RTCB: variants seen among roughly 807,000 people sequenced by gnomAD.
RTCB encodes RNA-splicing ligase RTCB.
Under a neutral mutation model 58.2 loss-of-function variants are expected in RTCB, and 32 were observed. The observed-to-expected ratio is 0.55, with a 90% CI of 0.41 to 0.74. The LOEUF is 0.74. RTCB is among the 30% of genes least tolerant of loss of function. The probability of loss-of-function intolerance (pLI) is 0.00; values close to 1 mark genes in which losing one functional copy is unlikely to be tolerated. For synonymous variants in RTCB, 247 were observed against 218.6 expected (o/e 1.13, Z -1.15); for missense variants, 523 against 639.0 (o/e 0.82, Z 1.96).
intron 1 of RTCB, among the ~76,000 whole-genome samples, chr22:32,411,054 ACAAAG>A (rs1219174262): frequency 6.6e-6 from 1 of 152,096 alleles, no homozygotes; most frequent in African/African-American, 2.4e-5. Flanking sequence ...CGGTTTCCAC[ACAAAG>A]AAAGTGGCCA....
chr22:32,394,641 T>C (rs1933213215), intron 9 of RTCB, among the ~76,000 whole-genome samples: 1 of 152,164 alleles, frequency 6.6e-6, no homozygotes, highest in African/African-American at 2.4e-5. Context: ...GTTTCTCATC[T>C]GTAAAAGGAG....
chr22:32,409,806 A>G (rs1374306423), intron 1 of RTCB, among the ~76,000 whole-genome samples: 1 of 140,800 alleles, frequency 7.1e-6, no homozygotes, highest in Non-Finnish European at 1.5e-5. Flanking sequence ...TACACAATAC[A>G]GCTCTTATAT....
intron 8 of RTCB, among the ~76,000 whole-genome samples, chr22:32,395,819 C>T (rs146576521): frequency 0.035 from 5,256 of 152,022 alleles, 294 homozygotes; most frequent in African/African-American, 0.12. Context: ...CTCAGCCTCC[C>T]GAGTAGCTGG....
chr22:32,398,895 C>T (rs73881685), intron 6 of RTCB, among the ~76,000 whole-genome samples: 5,266 of 152,162 alleles, frequency 0.035, 290 homozygotes, highest in African/African-American at 0.12. Context: ...TAGAGGTTGC[C>T]TAGTTTTAAC....
intron 1 of RTCB, among the ~76,000 whole-genome samples, chr22:32,409,381 G>GTAGT (rs145588381): frequency 0.011 from 1,730 of 152,260 alleles, 19 homozygotes; most frequent in African/African-American, 0.034. Context: ...ATGCAGCTAC[G>GTAGT]TAGTTGTGTG....
chr22:32,411,964 G>T, intron 1 of RTCB, 100 bp downstream of exon 1: 2 of 833,810 alleles, frequency 2.4e-6, no homozygotes, highest in Non-Finnish European at 1.9e-6. Flanking sequence ...AAGGGGCCGG[G>T]GCGGACCCAG....
At position 32,396,146 on chromosome 22, in the gene RTCB, A is replaced by G; in HGVS notation, c.918T>C (p.Tyr306=). Residue 306 remains tyrosine, a synonymous_variant, in exon 8 of 12, where the codon TAT becomes TAC. Coordinates refer to ENST00000216038, the MANE Select transcript of RTCB (RefSeq NM_014306.5). Reference sequence around the variant, plus strand: ...TCCCAGCAGCTGCCATTCCCTTCAGATAGTCTTGACCCTCTGGGGAAGCGA... The same window carrying G: ...TCCCAGCAGCTGCCATTCCCTTCAGGTAGTCTTGACCCTCTGGGGAAGCGA... The part of the protein sequence containing the change: ...ARIASPEGQD[Y]LKGMAAAGNY... 7 of 1,614,128 alleles carry G rather than the reference A, an allele frequency of 4.3e-6. No homozygotes were observed. Among genetic ancestry groups the G allele is most frequent in the Non-Finnish European group, 5.9e-6 (7 of 1,180,018 alleles).
intron 4 of RTCB, among the ~76,000 whole-genome samples, chr22:32,406,334 T>C (rs932441122): frequency 1.3e-5 from 2 of 151,166 alleles, no homozygotes; most frequent in African/African-American, 2.5e-5. Context: ...CTACACACAT[T>C]TTTTTTTGAG....
At chr22:32,394,225 C>A (rs1439680424) in intron 9 of RTCB, among the ~76,000 whole-genome samples, 1 of 151,662 alleles carries the variant, frequency 6.6e-6, no homozygotes, top group Non-Finnish European at 1.5e-5. Context: ...CATTCTCTTG[C>A]CTCAGCCTCC....
intron 4 of RTCB, among the ~76,000 whole-genome samples, chr22:32,404,492 A>C (rs1933388937): frequency 1.3e-5 from 2 of 152,112 alleles, no homozygotes; most frequent in Admixed American, 6.5e-5. Context: ...CTGTAGCCTC[A>C]ACTTCCTGGG....
intron 10 of RTCB, among the ~76,000 whole-genome samples, chr22:32,393,533 G>T (rs5754063): frequency 0.42 from 63,217 of 151,980 alleles, 13,730 homozygotes; most frequent in African/African-American, 0.57. Flanking sequence ...ATTAAACAAA[G>T]GAGCAGGTCC....
intron 11 of RTCB, among the ~76,000 whole-genome samples, chr22:32,390,453 CT>C (rs1303865991): frequency 0.037 from 5,387 of 144,992 alleles, 253 homozygotes; most frequent in African/African-American, 0.12. Context: ...TTTCCAAATC[CT>C]TTTTTTTTTT....
chr22:32,401,641 T>C, intron 5 of RTCB, 106 bp downstream of exon 5: 2 of 1,261,052 alleles, frequency 1.6e-6, no homozygotes, highest in Non-Finnish European at 2.2e-6. Flanking sequence ...TCCTGAAAAG[T>C]AACTGAACAA....
chr22:32,390,686 G>C (rs1325176626), intron 11 of RTCB, among the ~76,000 whole-genome samples: 2 of 152,022 alleles, frequency 1.3e-5, no homozygotes, highest in Admixed American at 1.3e-4. Flanking sequence ...CTCACCTTGT[G>C]ATCCACCCGC....
chr22:32,395,126 T>C lies in RTCB; in HGVS notation c.1079A>G (p.Gln360Arg), dbSNP rs141205917. Residue 360 changes from glutamine (Q) to arginine (R), a missense_variant, in exon 9 of 12, where the codon CAG (glutamine) becomes CGG (arginine). Physicochemically the swap from Gln to Arg is conservative, Grantham distance 43. Around this residue, in one of 3 missense-constraint regions of RTCB, gnomAD observed 248 missense variants for 292.5 expected, o/e 0.85. Transcript: ENST00000216038. ...DVSHNIAKVEQHVVDGKERTL... is the reference protein window; with the variant it reads ...DVSHNIAKVERHVVDGKERTL... The stretch of plus-strand genomic sequence containing the variant: ...CCGTTCCTTTCCGTCCACCACATGC[T>C]GCTCCACTTTGGCAATGTTGTGAGA... The C allele has an allele frequency of 2.6e-4, 420 of 1,614,102 alleles. No homozygotes were observed. The highest frequency in any genetic ancestry group is 3.4e-4 in the Non-Finnish European group (407 of 1,180,052).
At chr22:32,390,642 G>A (rs28756917) in intron 11 of RTCB, among the ~76,000 whole-genome samples, 26,806 of 151,952 alleles carry the variant, frequency 0.18, 2,525 homozygotes, top group Middle Eastern at 0.27. Context: ...TAGAGATGGG[G>A]TTTCACCGTG....
intron 11 of RTCB, among the ~76,000 whole-genome samples, chr22:32,388,732 T>C (rs1933101493): frequency 6.6e-6 from 1 of 152,124 alleles, no homozygotes; most frequent in South Asian, 2.1e-4. Flanking sequence ...TTATCTTCAT[T>C]CCTGTCAATA....
intron 2 of RTCB, 133 bp downstream of exon 2, chr22:32,408,622 C>G: frequency 1.5e-6 from 1 of 688,254 alleles, no homozygotes; most frequent in East Asian, 2.7e-5. Flanking sequence ...TAAGTAAGTG[C>G]TTTTGGTCTT....
chr22:32,408,809 C>T lies in RTCB; in HGVS notation c.118G>A (p.Asp40Asn). 1 of 1,613,938 alleles carries T rather than the reference C, an allele frequency of 6.2e-7. No homozygotes were observed. The highest frequency in any genetic ancestry group is 1.6e-4 in the Middle Eastern group (1 of 6,062). Residue 40 changes from aspartate to asparagine, a missense_variant, in exon 2 of 12, where the codon GAT (aspartate) becomes AAT (asparagine). Physicochemically the swap from Asp to Asn is conservative, Grantham distance 23 (BLOSUM62 1). Around this residue, in one of 3 missense-constraint regions of RTCB, gnomAD observed 134 missense variants for 129.9 expected, o/e 1.03. Transcript: ENST00000216038. ...TCAAACATCAATTTCTCCAGAGCAT[C>T]ATTCACATAGAAAACACCTTCAACC... Reference protein sequence around the residue: ...MQVEGVFYVNDALEKLMFEEL... With the variant: ...MQVEGVFYVNNALEKLMFEEL...
Sources: gnomAD v4.1 joint callset for allele counts (sites outside exome capture counted in the v4.1 genomes callset) on GRCh38, gnomAD v4.1.1 for gene constraint, gnomAD v4.1.1 regional missense constraint, MANE v1.5 for transcripts, NCBI Gene and HGNC (gene_info 2026-07-23, HGNC 2026-07-21) for gene names.